The following ADGRL1 variants were observed in gnomAD, a reference collection of about 807,000 sequenced individuals.
ADGRL1 encodes adhesion G protein-coupled receptor L1.
In ADGRL1, 31 loss-of-function variants were observed where a neutral mutation model predicts 148.9. The observed-to-expected ratio is 0.21, with a 90% CI of 0.16 to 0.28. ADGRL1 has a LOEUF of 0.28. Ranked by LOEUF, ADGRL1 falls within the 10% of genes least tolerant of loss-of-function variation. The pLI is 1.00. For missense variants in ADGRL1, 1,521 were observed against 2,058.8 expected (o/e 0.74, Z 5.05); for synonymous variants, 937 against 900.3 (o/e 1.04, Z -0.73).
At chr19:14,167,057 G>C (rs1340837459) in intron 4 of ADGRL1, 1 of 1,566,138 alleles carries the variant, frequency 6.4e-7, no homozygotes, top group Non-Finnish European at 8.7e-7. Context: ...AAGAGAGAGA[G>C]AAAACAAATT....
intron 1 of ADGRL1, among the ~76,000 whole-genome samples, chr19:14,200,273 G>A (rs1972513476): frequency 6.6e-6 from 1 of 152,194 alleles, no homozygotes; most frequent in South Asian, 2.1e-4. Context: ...GAGGAGAGTG[G>A]GAGGAGGTGA....
At chr19:14,186,745 C>T (rs1483394232) in intron 1 of ADGRL1, among the ~76,000 whole-genome samples, 1 of 152,160 alleles carries the variant, frequency 6.6e-6, no homozygotes, top group Non-Finnish European at 1.5e-5. Context: ...TGTGGGTGAA[C>T]TGGTGCCACC....
intron 3 of ADGRL1, among the ~76,000 whole-genome samples, chr19:14,173,565 G>C (rs912985317): frequency 1.3e-5 from 2 of 152,100 alleles, no homozygotes; most frequent in African/African-American, 4.8e-5. Context: ...TAAAACAAGT[G>C]TTTAAGCAAA....
intron 2 of ADGRL1, among the ~76,000 whole-genome samples, chr19:14,180,318 C>T (rs1316986354): frequency 2.0e-5 from 3 of 152,086 alleles, no homozygotes; most frequent in Admixed American, 6.6e-5. Context: ...TGGAATGGCG[C>T]GATCTCAGCT....
At chr19:14,205,719 G>T (rs1446503129) in intron 1 of ADGRL1, among the ~76,000 whole-genome samples, 3 of 148,808 alleles carry the variant, frequency 2.0e-5, no homozygotes, top group Admixed American at 6.7e-5. Context: ...CAGGCACCCT[G>T]CGGTAGCCCG....
At chr19:14,173,807 C>T (rs1197570204) in intron 3 of ADGRL1, among the ~76,000 whole-genome samples, 3 of 151,770 alleles carry the variant, frequency 2.0e-5, no homozygotes, top group Non-Finnish European at 2.9e-5. Context: ...ATTAGCCGGG[C>T]GTGGTGGTGC....
At chr19:14,179,929 T>C (rs1445176374) in intron 2 of ADGRL1, among the ~76,000 whole-genome samples, 1 of 152,084 alleles carries the variant, frequency 6.6e-6, no homozygotes, top group Non-Finnish European at 1.5e-5. Context: ...GGTACTTTGT[T>C]AGGGCGGCCC....
chr19:14,204,817 G>A (rs1255915936), intron 1 of ADGRL1, among the ~76,000 whole-genome samples: 4 of 151,914 alleles, frequency 2.6e-5, no homozygotes, highest in Non-Finnish European at 4.4e-5. Context: ...CTGCCCCCAG[G>A]CACACATGTT....
In ADGRL1 at chr19:14,160,746, A is replaced by G; in HGVS notation, c.1511-50T>C. 9.2e-7 allele frequency: 1 copy of G among 1,082,302 alleles called. No individual in the cohort carries two copies. Among genetic ancestry groups the G allele is most frequent in the Non-Finnish European group, 1.4e-6 (1 of 702,954 alleles). 67.0% of individuals were successfully genotyped at this position (1,082,302 alleles called of 1,614,324 possible). ...AGACAAGGGAGCCAAAGGGAAGAAG[A>G]GAAGGATGGGACAGAGAGGGGGAAA... On this transcript the variant is annotated intron_variant, in intron 6 of 22. Coordinates refer to ENST00000361434, the MANE Select transcript of ADGRL1 (RefSeq NM_014921.5). This position sits in a 1 kb window ranked among gnomAD's most constrained non-coding sequence, Gnocchi z 5.9.
Position 14,162,907 on chromosome 19 carries a change from C to G in ADGRL1, c.894G>C (p.Glu298Asp), listed in dbSNP as rs1222496590. The G allele has an allele frequency of 6.2e-7, 1 of 1,613,516 alleles. No individual in the cohort carries two copies. Among genetic ancestry groups the G allele is most frequent in the African/African-American group, 1.3e-5 (1 of 74,906 alleles). ...SQLNPYTLRF[E>D]GTWETGYDKR... is the part of the protein sequence containing the mutation. ...TGTCGTAACCCGTCTCCCACGTGCC[C>G]TCAAAGCGCAGTGTGTAGGGGTTCA... The change falls in exon 5 of 23, where the codon GAG (glutamate) becomes GAC (aspartate). Residue 298 changes from glutamate to aspartate, a missense_variant. Around this residue, in one of 8 missense-constraint regions of ADGRL1, gnomAD observed 334 missense variants for 512.5 expected, o/e 0.65. Transcript: ENST00000361434. The surrounding 1 kb of genome is among the most constrained non-coding windows in gnomAD (Gnocchi z 5.4).
rs1451366204 is a variant in ADGRL1, at chr19:14,157,786, C to T, written c.2535+96G>A. ...GGGCCCCCCACACCCATGGGGCTAG[C>T]CTCCCCTGGTACTGCCCGTGATCTC... On this transcript the variant is annotated intron_variant, in intron 13 of 22. Transcript: ENST00000361434. This position sits in a 1 kb window ranked among gnomAD's most constrained non-coding sequence, Gnocchi z 7.5. The T allele has an allele frequency of 2.8e-6, 4 of 1,448,846 alleles. No homozygotes were observed. In the East Asian group the frequency reaches 9.7e-5, roughly 35 times the overall value. 89.7% of individuals were successfully genotyped at this position (1,448,846 alleles called of 1,614,324 possible). A position where few individuals can be genotyped will look rare whatever the true frequency, so the allele number is the denominator to read the frequency against.
At chr19:14,183,191 C>CAGAGAGAGAGAG (rs1455973222) in intron 2 of ADGRL1, among the ~76,000 whole-genome samples, 1 of 79,098 alleles carries the variant, frequency 1.3e-5, no homozygotes, top group Admixed American at 1.4e-4. Flanking sequence ...AAGATGTAAT[C>CAGAGAGAGAGAG]ACAGAGAGAG....
At chr19:14,166,542 A>T (rs910565563) in intron 4 of ADGRL1, among the ~76,000 whole-genome samples, 42 of 151,844 alleles carry the variant, frequency 2.8e-4, no homozygotes, top group Non-Finnish European at 5.4e-4. Context: ...CAGGGGAAGG[A>T]GGAAGAGAGA....
rs1368623107 is a variant in ADGRL1 at position 14,151,424 on chromosome 19, T to G, written c.3859A>C (p.Asn1287His). Residue 1287 changes from asparagine (N) to histidine (H), a missense_variant, in exon 23 of 23, where the codon AAC becomes CAC. Around this residue, in one of 8 missense-constraint regions of ADGRL1, gnomAD observed 390 missense variants for 375.0 expected, o/e 1.04. Coordinates refer to ENST00000361434, the MANE Select transcript of ADGRL1 (RefSeq NM_014921.5). ...GCCGCGCTGCTGCTCCCCCGCAGGT[T>G]GTTGTGCACCAGCTCTGAGATGATC... ...KMIISELVHN[N>H]LRGSSSAAKG... is the part of the protein sequence containing the mutation. 2 of 1,612,710 alleles carry G rather than the reference T, an allele frequency of 1.2e-6. No homozygotes were observed. The highest frequency in any genetic ancestry group is 8.5e-7 in the Non-Finnish European group (1 of 1,179,808).
At position 14,163,134 on chromosome 19, in the gene ADGRL1, C is replaced by T. The variant is rs1213923085; in HGVS notation, c.667G>A (p.Glu223Lys). 1 of 1,613,928 alleles carries T rather than the reference C, an allele frequency of 6.2e-7. No homozygotes were observed. Among genetic ancestry groups the T allele is most frequent in the Non-Finnish European group, 8.5e-7 (1 of 1,180,032 alleles). The part of the protein sequence containing the change: ...VYDGAVFYNK[E>K]RTRNIVKYDL... ...TACTTGACGATGTTGCGCGTGCGCT[C>T]CTTGTTGTAGAAGACGGCACCATCG... Residue 223 changes from glutamate (E) to lysine (K), a missense_variant, in exon 5 of 23, where the codon GAG becomes AAG. This residue lies in a region of ADGRL1 where 334 missense variants were observed against 512.5 expected (regional missense o/e 0.65). Coordinates refer to ENST00000361434, the MANE Select transcript of ADGRL1 (RefSeq NM_014921.5).
rs1398617709 is a variant in ADGRL1, at chr19:14,162,563, C to A, written c.1195+43G>T. The A allele has an allele frequency of 1.4e-5, 22 of 1,552,824 alleles. No homozygotes were observed. The highest frequency in any genetic ancestry group is 1.9e-5 in the Non-Finnish European group (22 of 1,142,516). On this transcript the variant is annotated intron_variant, in intron 5 of 22. Transcript: ENST00000361434. The surrounding 1 kb of genome is among the most constrained non-coding windows in gnomAD (Gnocchi z 5.4). ...CAGGGGTGGGTGGGGGTGGAGGGGA[C>A]AAAGGCAAGCAGGCTCCATGCCTGG...
Position 14,150,828 on chromosome 19 carries a change from T to A in ADGRL1, c.*45A>T, listed in dbSNP as rs1968083792. On this transcript the variant is annotated 3_prime_UTR_variant, in exon 23 of 23. Transcript: ENST00000361434. ...CTCCCACCAGAGCCCTGCCCAGGGT[T>A]CCCTCCCTGGCCTGGGCCACCAGCC... is the stretch of plus-strand genomic sequence containing the variant. 6.3e-7 allele frequency: 1 copy of A among 1,587,756 alleles called. No homozygotes were observed. The highest frequency in any genetic ancestry group is 1.8e-5 in the Admixed American group (1 of 55,994).
At chr19:14,198,335 G>A (rs1317551759) in intron 1 of ADGRL1, among the ~76,000 whole-genome samples, 3 of 152,156 alleles carry the variant, frequency 2.0e-5, no homozygotes, top group South Asian at 2.1e-4. Flanking sequence ...GACTGTGTGT[G>A]GGGAGGGTTG....
intron 1 of ADGRL1, among the ~76,000 whole-genome samples, chr19:14,196,419 G>T (rs1349899212): frequency 6.6e-6 from 1 of 152,234 alleles, no homozygotes; most frequent in African/African-American, 2.4e-5. Context: ...AGAAGTTCCA[G>T]ACCAGCCTGG....
Sources: gnomAD v4.1 joint callset for allele counts (sites outside exome capture counted in the v4.1 genomes callset) on GRCh38, gnomAD v4.1.1 for gene constraint, gnomAD v4.1.1 regional missense constraint, Gnocchi (gnomAD v3.1) non-coding constraint, MANE v1.5 for transcripts, NCBI Gene and HGNC (gene_info 2026-07-23, HGNC 2026-07-21) for gene names.